PKD2: variants seen among roughly 807,000 people sequenced by gnomAD.
PKD2 encodes polycystin 2, transient receptor potential cation channel.
PKD2 carries 48 observed loss-of-function variants against 105.9 expected under a neutral mutation model. The observed-to-expected ratio is 0.45, with a 90% CI of 0.36 to 0.58. The LOEUF (loss-of-function observed/expected upper bound fraction) is 0.58. Among genes scored for constraint, PKD2 ranks in the 20% least tolerant of loss-of-function variants. PKD2 has a pLI of 0.00. For synonymous variants in PKD2, 464 were observed against 481.1 expected, an observed-to-expected ratio of 0.96 and a Z score of 0.46; for missense variants, 1,078 against 1,255.3, an observed-to-expected ratio of 0.86 and a Z score of 2.13.
chr4:88,057,858 G>A (rs2110129321), intron 8 of PKD2, 125 bp from the exon 9 acceptor site: 1 of 755,946 alleles, frequency 1.3e-6, no homozygotes, highest in Non-Finnish European at 2.4e-6. Context: ...ACAATTTTCT[G>A]TTATTCGGCA....
rs1322801646 is a variant in PKD2 at position 88,007,885 on chromosome 4, G to A, written c.152G>A (p.Gly51Asp). Reference protein sequence around the residue: ...AAPGGLCEQRGLEIEMQRIRQ... With the variant: ...AAPGGLCEQRDLEIEMQRIRQ... ...CCGGGCGGCCTCTGCGAGCAGCGGG[G>A]CCTGGAGATCGAGATGCAGCGCATC... Residue 51 changes from glycine (G) to aspartate (D), a missense_variant, in exon 1 of 15, where the codon GGC (glycine) becomes GAC (aspartate). Transcript: ENST00000237596. 2.9e-6 allele frequency: 4 copies of A among 1,373,110 alleles called. No individual in the cohort carries two copies. Among genetic ancestry groups the A allele is most frequent in the South Asian group, 1.6e-5 (1 of 61,556 alleles). The allele number at this position is 1,373,110 out of a possible 1,614,324, so 85.1% of individuals were successfully genotyped here. A position where few individuals can be genotyped will look rare whatever the true frequency, so the allele number is the denominator to read the frequency against.
At chr4:88,064,477 A>C (rs964582798) in intron 10 of PKD2, among the ~76,000 whole-genome samples, 1 of 152,244 alleles carries the variant, frequency 6.6e-6, no homozygotes, top group Non-Finnish European at 1.5e-5. Context: ...AGTTGTAAAG[A>C]TCACAGAACA....
At chr4:88,030,798 G>A (rs960746822) in intron 2 of PKD2, among the ~76,000 whole-genome samples, 1 of 152,228 alleles carries the variant, frequency 6.6e-6, no homozygotes, top group Non-Finnish European at 1.5e-5. Context: ...ACCTCTCAGT[G>A]CCGACACCTG....
rs1721226948 is a variant in PKD2 at position 88,076,143 on chromosome 4, A to G, written c.*449A>G. The G allele has an allele frequency of 6.2e-6, 1 of 160,016 alleles. No homozygotes were observed. The highest frequency in any genetic ancestry group is 1.7e-4 in the South Asian group (1 of 5,876). 9.9% of individuals were successfully genotyped at this position (160,016 alleles called of 1,614,324 possible). A position where few individuals can be genotyped will look rare whatever the true frequency, so the allele number is the denominator to read the frequency against. ...CTGGCATAGTTCATGAGCTTAATAC[A>G]TAGCTTTCTTTTAAGAAAGGAGCCT... On this transcript the variant is annotated 3_prime_UTR_variant, in exon 15 of 15. Transcript: ENST00000237596.
chr4:88,007,714 G>C lies in PKD2; in HGVS notation c.-20G>C, dbSNP rs1726220033. Reference sequence around the variant, plus strand: ...CGAGCGCGGCGCCGCGCACCCGCGCGCCGGACGCCAGTGACCGCGATGGTG... The same window carrying C: ...CGAGCGCGGCGCCGCGCACCCGCGCCCCGGACGCCAGTGACCGCGATGGTG... On this transcript the variant is annotated 5_prime_UTR_variant, in exon 1 of 15. Transcript: ENST00000237596. 4 of 1,187,734 alleles carry C rather than the reference G, an allele frequency of 3.4e-6. No individual in the cohort carries two copies. Among genetic ancestry groups the C allele is most frequent in the Admixed American group, 3.8e-5 (1 of 26,452 alleles). The allele number at this position is 1,187,734 out of a possible 1,614,324, so 73.6% of individuals were successfully genotyped here. A position where few individuals can be genotyped will look rare whatever the true frequency, so the allele number is the denominator to read the frequency against.
intron 13 of PKD2, among the ~76,000 whole-genome samples, chr4:88,070,597 TATATAGAG>T (rs1253607108): frequency 2.1e-4 from 21 of 99,148 alleles, no homozygotes; most frequent in South Asian, 3.2e-4. Context: ...TATATATATA[TATATAGAG>T]AGAGAGAGAG....
At position 88,041,438 on chromosome 4, in the gene PKD2, C is replaced by G. The variant is rs371503412; in HGVS notation, c.1095-1795C>G. On this transcript the variant is annotated intron_variant, in intron 4 of 14. Transcript: ENST00000237596. The stretch of plus-strand genomic sequence containing the variant: ...AGGACTCAGCATAGAGGCATCCTTA[C>G]AGCTAAGGTTTATTATGGTGAAAGG... 2.8e-4 allele frequency among the ~76,000 whole-genome samples: 43 copies of G among 152,286 alleles called. No individual in the cohort carries two copies. The South Asian group carries it at 8.9e-3, about 32-fold the overall frequency.
intron 8 of PKD2, 71 bp downstream of exon 8, chr4:88,056,338 T>G (rs1225537082): frequency 5.3e-6 from 5 of 951,722 alleles, no homozygotes; most frequent in Non-Finnish European, 8.2e-6. Flanking sequence ...TAAATCTTCA[T>G]ATGAGGTTGC....
chr4:88,014,812 G>A (rs948595779), intron 1 of PKD2, among the ~76,000 whole-genome samples: 14 of 152,330 alleles, frequency 9.2e-5, no homozygotes, highest in Non-Finnish European at 1.9e-4. Flanking sequence ...CCATTTTGCA[G>A]ATCTGGGCTT....
intron 3 of PKD2, 130 bp from the exon 4 acceptor site, chr4:88,038,121 A>G (rs1053237029): frequency 7.9e-6 from 8 of 1,011,704 alleles, no homozygotes; most frequent in Admixed American, 1.7e-5. Context: ...CTCTCTGACA[A>G]CAAAACTCAT....
rs554608570 is a variant in PKD2 at position 88,043,428 on chromosome 4, C to A, written c.1290C>A (p.Asn430Lys). The A allele has an allele frequency of 1.2e-6, 2 of 1,613,352 alleles. No individual in the cohort carries two copies. The highest frequency in any genetic ancestry group is 2.2e-5 in the South Asian group (2 of 91,076). Reference protein sequence around the residue: ...RATFIDFSVYNANINLFCVVR... With the variant: ...RATFIDFSVYKANINLFCVVR... ...CTTTTATTGACTTCTCAGTGTACAA[C>A]GCCAACATTAACCTGTTCTGTGTGG... The change falls in exon 5 of 15, where the codon AAC becomes AAA. Residue 430 changes from asparagine (N) to lysine (K), a missense_variant. Asn to Lys is a moderately conservative substitution (Grantham distance 94). This residue lies in a region of PKD2 where 868 missense variants were observed against 1,067.3 expected (regional missense o/e 0.81). Coordinates refer to ENST00000237596, the MANE Select transcript of PKD2 (RefSeq NM_000297.4).
chr4:88,075,056 TA>T (rs375737133), intron 14 of PKD2, 97 bp downstream of exon 14: 89 of 1,336,634 alleles, frequency 6.7e-5, no homozygotes, highest in African/African-American at 2.3e-4. Context: ...TGAAGAAGAG[TA>T]AAAAAAATTT....
chr4:88,039,091 A>G (rs2110107991), intron 4 of PKD2, among the ~76,000 whole-genome samples: 1 of 152,282 alleles, frequency 6.6e-6, no homozygotes. Flanking sequence ...CTATTTTAGA[A>G]GTATTGTAGT....
At chr4:88,020,586 T>A (rs1217462545) in intron 2 of PKD2, among the ~76,000 whole-genome samples, 1 of 152,168 alleles carries the variant, frequency 6.6e-6, no homozygotes, top group Non-Finnish European at 1.5e-5. Flanking sequence ...GATGATGGAT[T>A]TCTGTCATGT....
At chr4:88,022,928 A>C (rs1197241243) in intron 2 of PKD2, among the ~76,000 whole-genome samples, 1 of 152,084 alleles carries the variant, frequency 6.6e-6, no homozygotes, top group Admixed American at 6.6e-5. Context: ...AAAAAATACA[A>C]AAATTATCTG....
intron 7 of PKD2, among the ~76,000 whole-genome samples, chr4:88,055,224 A>G (rs1014116884): frequency 1.3e-5 from 2 of 152,230 alleles, no homozygotes; most frequent in African/African-American, 4.8e-5. Flanking sequence ...TATTTCAGAC[A>G]TTGCAGAGAT....
chr4:88,072,624 C>T (rs1721075105), intron 13 of PKD2, among the ~76,000 whole-genome samples: 1 of 152,170 alleles, frequency 6.6e-6, no homozygotes, highest in African/African-American at 2.4e-5. Flanking sequence ...CTCTGATTTT[C>T]TCACCTTGCT....
At position 88,024,630 on chromosome 4, in the gene PKD2, T is replaced by G. The variant is rs556901842; in HGVS notation, c.709+5059T>G. 7.9e-5 allele frequency among the ~76,000 whole-genome samples: 12 copies of G among 152,194 alleles called. No homozygotes were observed. In the South Asian group the frequency reaches 2.3e-3, roughly 29 times the overall value. On this transcript the variant is annotated intron_variant, in intron 2 of 14. Transcript: ENST00000237596. ...TTGAGTAAAAAATCTATATATAGTT[T>G]AAACACATTAATAGAAATCACAAAA...
chr4:88,046,798 A>G lies in PKD2; in HGVS notation c.1476A>G (p.Ile492Met), dbSNP rs1249795118. The G allele has an allele frequency of 1.9e-6, 3 of 1,611,992 alleles. No individual in the cohort carries two copies. The South Asian group carries it at 3.3e-5, about 18-fold the overall frequency. Residue 492 changes from isoleucine to methionine, a missense_variant, in exon 6 of 15, where the codon ATA becomes ATG. Transcript: ENST00000237596. ...TCTTTTACTATGTGGTGGAAGAGATATTGGAAATTCGCATTCACAAACTAC... is the reference window on the plus strand; with the variant it reads ...TCTTTTACTATGTGGTGGAAGAGATGTTGGAAATTCGCATTCACAAACTAC... ...FFIFYYVVEE[I>M]LEIRIHKLHY... is the part of the protein sequence containing the mutation.
Sources: allele counts gnomAD v4.1 joint callset (sites outside exome capture counted in the v4.1 genomes callset), GRCh38; gene constraint gnomAD v4.1.1; regional missense constraint gnomAD v4.1.1; transcripts MANE v1.5; gene names NCBI Gene and HGNC (gene_info 2026-07-23, HGNC 2026-07-21).